Variants in SWT1 observed in about 807,000 individuals in gnomAD.
SWT1 encodes the protein SWT1 RNA endoribonuclease homolog.
SWT1 carries 33 observed loss-of-function variants against 107.3 expected under a neutral mutation model. That is an observed-to-expected ratio of 0.31 (90% CI 0.23 to 0.41). SWT1 has a LOEUF of 0.41. Among genes scored for constraint, SWT1 ranks in the 10% least tolerant of loss-of-function variants. The probability of loss-of-function intolerance (pLI) is 1.00; values close to 1 mark genes in which losing one functional copy is unlikely to be tolerated. For synonymous variants in SWT1, 345 were observed against 348.3 expected (o/e 0.99, Z 0.11); for missense variants, 898 against 1,028.9 (o/e 0.87, Z 1.74).
Position 185,221,851 on chromosome 1 carries a change from C to T in SWT1, c.2124C>T (p.Val708=). ...VNNLLQTFAE[V]KTKLKPNSSE... is the part of the protein sequence containing the mutation. ...TTATGTAATTCTTATTTCCCCAGGTCAAGACAAAACTTAAGCCAAATTCTT... is the reference window on the plus strand; with the variant it reads ...TTATGTAATTCTTATTTCCCCAGGTTAAGACAAAACTTAAGCCAAATTCTT... The change falls in exon 15 of 19, where the codon GTC becomes GTT. Residue 708 remains valine (V), a splice_region_variant and synonymous_variant. Coordinates refer to ENST00000367500, the MANE Select transcript of SWT1 (RefSeq NM_017673.7). The T allele has an allele frequency of 6.4e-7, 1 of 1,564,436 alleles. No individual in the cohort carries two copies. Among genetic ancestry groups the T allele is most frequent in the Non-Finnish European group, 8.6e-7 (1 of 1,158,908 alleles).
intron 16 of SWT1, among the ~76,000 whole-genome samples, chr1:185,231,974 A>G (rs2102572030): frequency 6.6e-6 from 1 of 152,326 alleles, no homozygotes; most frequent in Non-Finnish European, 1.5e-5. Context: ...TTAAAACAGA[A>G]ACAAAACTGA....
chr1:185,231,364 A>G (rs1660493866), intron 15 of SWT1, among the ~76,000 whole-genome samples: 1 of 152,218 alleles, frequency 6.6e-6, no homozygotes, highest in African/African-American at 2.4e-5. Context: ...ACTTTAGATT[A>G]GACCTGTATA....
intron 16 of SWT1, among the ~76,000 whole-genome samples, chr1:185,256,192 TTCTC>T (rs1397357262): frequency 1.3e-5 from 2 of 151,842 alleles, no homozygotes; most frequent in East Asian, 3.9e-4. Flanking sequence ...AACCCGACCT[TTCTC>T]TCTGGCTGCC....
At chr1:185,175,200 C>CT in intron 5 of SWT1, 87 bp downstream of exon 5, 53 of 925,604 alleles carry the variant, frequency 5.7e-5, no homozygotes, top group Non-Finnish European at 6.3e-5. Context: ...ATATTTTTTT[C>CT]TGTTTTTTTT....
At chr1:185,162,276 G>A (rs1197429572) in intron 2 of SWT1, among the ~76,000 whole-genome samples, 1 of 152,154 alleles carries the variant, frequency 6.6e-6, no homozygotes, top group Non-Finnish European at 1.5e-5. Flanking sequence ...TGGTTTCTGT[G>A]TTGCTAAATC....
chr1:185,256,229 C>G (rs1662501536), intron 16 of SWT1, among the ~76,000 whole-genome samples: 1 of 151,832 alleles, frequency 6.6e-6, no homozygotes, highest in Admixed American at 6.6e-5. Flanking sequence ...TCCTTCATTT[C>G]AAGTTTGGTG....
At chr1:185,176,928 G>A (rs1655613731) in intron 5 of SWT1, 1 of 645,610 alleles carries the variant, frequency 1.5e-6, no homozygotes, top group Non-Finnish European at 1.9e-6. Context: ...CCCTTGCAGT[G>A]AGCCAAGATC....
At chr1:185,214,758 T>C in intron 14 of SWT1, 103 bp downstream of exon 14, 2 of 950,804 alleles carry the variant, frequency 2.1e-6, no homozygotes, top group Non-Finnish European at 3.1e-6. Context: ...TTCTAACTTA[T>C]TCTAACATAC....
intron 15 of SWT1, among the ~76,000 whole-genome samples, chr1:185,223,470 C>T (rs75158961): frequency 0.016 from 2,473 of 152,148 alleles, 30 homozygotes; most frequent in Non-Finnish European, 0.025. Flanking sequence ...TGTGAGCCAC[C>T]GCACCTGGCC....
chr1:185,162,283 A>C (rs1358564126), intron 2 of SWT1, among the ~76,000 whole-genome samples: 1 of 152,202 alleles, frequency 6.6e-6, no homozygotes, highest in Non-Finnish European at 1.5e-5. Flanking sequence ...TGTGTTGCTA[A>C]ATCCATTGGT....
chr1:185,229,442 C>T (rs1273613010), intron 15 of SWT1, among the ~76,000 whole-genome samples: 2 of 151,898 alleles, frequency 1.3e-5, no homozygotes, highest in Non-Finnish European at 2.9e-5. Flanking sequence ...TTAGAATAAA[C>T]CCTGGAGGAA....
intron 18 of SWT1, among the ~76,000 whole-genome samples, chr1:185,283,975 T>G (rs1340510593): frequency 6.6e-6 from 1 of 152,212 alleles, no homozygotes; most frequent in Non-Finnish European, 1.5e-5. Context: ...TATAATTATT[T>G]TCCATTTTGG....
chr1:185,277,054 A>G (rs1162875715), intron 18 of SWT1, among the ~76,000 whole-genome samples: 3 of 152,180 alleles, frequency 2.0e-5, no homozygotes, highest in Non-Finnish European at 4.4e-5. Flanking sequence ...TAAGATAAAT[A>G]AAATATTATG....
chr1:185,221,050 G>GACACAC (rs59643566), intron 14 of SWT1, among the ~76,000 whole-genome samples: 254 of 149,862 alleles, frequency 1.7e-3, no homozygotes, highest in African/African-American at 5.9e-3. Flanking sequence ...CGTGCACACA[G>GACACAC]ACACACACAC....
chr1:185,273,705 A>G (rs916345228), intron 17 of SWT1, among the ~76,000 whole-genome samples: 2 of 152,224 alleles, frequency 1.3e-5, no homozygotes, highest in Non-Finnish European at 2.9e-5. Context: ...TCTGTCTCAA[A>G]TAAATAGATA....
At chr1:185,201,934 A>G (rs1384000642) in intron 10 of SWT1, among the ~76,000 whole-genome samples, 1 of 151,728 alleles carries the variant, frequency 6.6e-6, no homozygotes, top group Non-Finnish European at 1.5e-5. Flanking sequence ...AGTGCCTTCA[A>G]ATAGTTAATA....
At chr1:185,269,734 A>G (rs566800163) in intron 16 of SWT1, among the ~76,000 whole-genome samples, 39 of 152,200 alleles carry the variant, frequency 2.6e-4, no homozygotes, top group Non-Finnish European at 4.4e-4. Context: ...GTTAATATCA[A>G]TATTTACTTA....
intron 16 of SWT1, 92 bp downstream of exon 16, chr1:185,231,800 C>A: frequency 2.2e-6 from 2 of 929,318 alleles, no homozygotes; most frequent in Non-Finnish European, 3.3e-6. Flanking sequence ...CTAGGAGTCA[C>A]ATAGAATAGA....
chr1:185,171,835 C>T, intron 4 of SWT1: 1 of 332,720 alleles, frequency 3.0e-6, no homozygotes, highest in South Asian at 2.5e-5. Flanking sequence ...CTTCAGCCTC[C>T]CAAGTAAGTA....
Sources: allele counts gnomAD v4.1 joint callset (sites outside exome capture counted in the v4.1 genomes callset), GRCh38; gene constraint gnomAD v4.1.1; transcripts MANE v1.5; gene names NCBI Gene and HGNC (gene_info 2026-07-23, HGNC 2026-07-21).